The following RICTOR variants were observed in gnomAD, a reference collection of about 807,000 sequenced individuals.
RICTOR encodes the protein RPTOR independent companion of MTOR complex 2, also known as rapamycin-insensitive companion of mTOR.
RICTOR carries 49 observed loss-of-function variants against 214.9 expected under a neutral mutation model. The ratio of observed to expected loss-of-function variants is 0.23; its 90% CI spans 0.18 to 0.29. The LOEUF is 0.29. Among genes scored for constraint, RICTOR ranks in the 10% least tolerant of loss-of-function variants. The pLI is 1.00. For synonymous variants in RICTOR, 717 were observed against 711.3 expected, an observed-to-expected ratio of 1.01 and a Z score of -0.13; for missense variants, 1,625 against 2,047.0, an observed-to-expected ratio of 0.79 and a Z score of 3.98.
At chr5:39,073,154 G>T (rs899513951) in intron 2 of RICTOR, among the ~76,000 whole-genome samples, 5 of 152,146 alleles carry the variant, frequency 3.3e-5, no homozygotes, top group African/African-American at 1.2e-4. Flanking sequence ...TTCCTAAGGT[G>T]TTTTATAGAC....
At chr5:39,073,083 T>C (rs191023995) in intron 2 of RICTOR, among the ~76,000 whole-genome samples, 1 of 152,228 alleles carries the variant, frequency 6.6e-6, no homozygotes, top group Admixed American at 6.5e-5. Flanking sequence ...TTACGTCAGG[T>C]ACGACATAGG....
Position 38,943,588 on chromosome 5 carries a change from A to T in RICTOR, c.4914-617T>A, listed in dbSNP as rs181262904. Among the ~76,000 whole-genome samples, 853 of 152,198 alleles carry T rather than the reference A, an allele frequency of 5.6e-3. 9 individuals carry two copies. The highest frequency in any genetic ancestry group is 0.02 in the African/African-American group (812 of 41,534). ...CAGCACTTTGGGAGGCTGAGACAGGAGATCACCTGAGGTCAGGAGTTTGAG... is the reference window on the plus strand; with the variant it reads ...CAGCACTTTGGGAGGCTGAGACAGGTGATCACCTGAGGTCAGGAGTTTGAG... On this transcript the variant is annotated intron_variant, in intron 36 of 37. Coordinates refer to ENST00000357387, the MANE Select transcript of RICTOR (RefSeq NM_152756.5).
intron 2 of RICTOR, among the ~76,000 whole-genome samples, chr5:39,072,470 C>G (rs955446574): frequency 2.0e-5 from 3 of 152,226 alleles, no homozygotes; most frequent in Admixed American, 2.0e-4. Context: ...AGCACCACAT[C>G]TGAGCAGGTT....
chr5:38,965,577 T>C (rs1460103643), intron 15 of RICTOR, among the ~76,000 whole-genome samples: 1 of 151,980 alleles, frequency 6.6e-6, no homozygotes, highest in East Asian at 1.9e-4. Context: ...TAACTCTGAA[T>C]ATTGGTATTC....
At chr5:39,045,654 T>C (rs1276530335) in intron 2 of RICTOR, among the ~76,000 whole-genome samples, 1 of 152,160 alleles carries the variant, frequency 6.6e-6, no homozygotes, top group Non-Finnish European at 1.5e-5. Flanking sequence ...TATATAGATA[T>C]CCAGTCTATT....
rs551604918 is a variant in RICTOR at position 38,964,666 on chromosome 5, G to A, written c.1400+126C>T. On this transcript the variant is annotated intron_variant, in intron 16 of 37. Transcript: ENST00000357387. ...TTTAGAACTATTAATTTTTCCTTTA[G>A]CAAATTCCTTAAAAGAATTTCCCAC... 9.7e-4 allele frequency: 452 copies of A among 465,848 alleles called. 1 individual carries two copies. Among genetic ancestry groups the A allele is most frequent in the African/African-American group, 6.9e-3 (339 of 49,412 alleles). 28.9% of individuals were successfully genotyped at this position (465,848 alleles called of 1,614,324 possible).
intron 2 of RICTOR, among the ~76,000 whole-genome samples, chr5:39,052,203 T>C (rs1013505702): frequency 3.2e-4 from 48 of 151,814 alleles, no homozygotes; most frequent in African/African-American, 1.2e-3. Context: ...AAGACATCCA[T>C]CTCTACAAAA....
At position 38,939,803 on chromosome 5, in the gene RICTOR, A is replaced by G; in HGVS notation, c.*2501T>C. The G allele has an allele frequency of 4.4e-6, 1 of 225,654 alleles. No individual in the cohort carries two copies. Among genetic ancestry groups the G allele is most frequent in the Non-Finnish European group, 8.8e-6 (1 of 113,170 alleles). The allele number at this position is 225,654 out of a possible 1,614,324, so 14.0% of individuals were successfully genotyped here. On this transcript the variant is annotated 3_prime_UTR_variant, in exon 38 of 38. Coordinates refer to ENST00000357387, the MANE Select transcript of RICTOR (RefSeq NM_152756.5). ...ATAGTCTGTAATATCTATTATTTAT[A>G]GATGATTTTCTCAATTATTTCTATT...
intron 2 of RICTOR, among the ~76,000 whole-genome samples, chr5:39,034,062 G>C (rs894873775): frequency 1.3e-5 from 2 of 151,822 alleles, no homozygotes; most frequent in African/African-American, 4.8e-5. Flanking sequence ...ATAATTAACG[G>C]AAGAAAAAAA....
intron 7 of RICTOR, among the ~76,000 whole-genome samples, chr5:38,983,134 T>C (rs1751862054): frequency 6.6e-6 from 1 of 152,334 alleles, no homozygotes; most frequent in Admixed American, 6.5e-5. Context: ...AGGCAGCCAC[T>C]GTTCTCATTT....
At chr5:38,992,454 AC>A (rs1752859482) in intron 6 of RICTOR, among the ~76,000 whole-genome samples, 1 of 152,132 alleles carries the variant, frequency 6.6e-6, no homozygotes, top group Admixed American at 6.6e-5. Flanking sequence ...GGCTGAAAAA[AC>A]CGGCAAAATG....
chr5:38,955,095 T>C (rs1749144345), intron 26 of RICTOR, among the ~76,000 whole-genome samples: 1 of 151,968 alleles, frequency 6.6e-6, no homozygotes, highest in African/African-American at 2.4e-5. Flanking sequence ...ACACTGTAAG[T>C]GGAAAATTCC....
Position 38,960,428 on chromosome 5 carries a change from C to T in RICTOR, c.1821G>A (p.Gln607=). 1.2e-6 allele frequency: 2 copies of T among 1,613,872 alleles called. No individual in the cohort carries two copies. Among genetic ancestry groups the T allele is most frequent in the Non-Finnish European group, 1.7e-6 (2 of 1,179,804 alleles). ...KAKQLTVVGC[Q]FTEFLLESEE... is the part of the protein sequence containing the mutation. ...CAGATTCAAGAAGAAATTCTGTAAA[C>T]TGGCAACCTACAACCGTGAGCTGTT... The change falls in exon 20 of 38, where the codon CAG becomes CAA. Residue 607 remains glutamine (Q), a synonymous_variant. Transcript: ENST00000357387.
At chr5:39,068,186 T>G (rs1485482493) in intron 2 of RICTOR, among the ~76,000 whole-genome samples, 1 of 152,236 alleles carries the variant, frequency 6.6e-6, no homozygotes, top group Non-Finnish European at 1.5e-5. Flanking sequence ...TAAACTGTGC[T>G]GGAAATGCAA....
chr5:39,026,137 T>C (rs972182401), intron 2 of RICTOR, among the ~76,000 whole-genome samples: 4 of 152,198 alleles, frequency 2.6e-5, no homozygotes, highest in African/African-American at 9.7e-5. Context: ...TAAGATGATA[T>C]TCTCTGAAGC....
At chr5:39,001,965 T>G (rs193091271) in intron 5 of RICTOR, among the ~76,000 whole-genome samples, 40 of 152,210 alleles carry the variant, frequency 2.6e-4, no homozygotes, top group African/African-American at 9.1e-4. Context: ...AACATACATG[T>G]ACCTTATAAC....
chr5:38,989,348 C>A (rs970111369), intron 7 of RICTOR, among the ~76,000 whole-genome samples: 1 of 152,172 alleles, frequency 6.6e-6, no homozygotes, highest in African/African-American at 2.4e-5. Flanking sequence ...TTTCTTACAC[C>A]TTACACAAGA....
chr5:39,059,752 A>G (rs935672382), intron 2 of RICTOR, among the ~76,000 whole-genome samples: 4 of 152,072 alleles, frequency 2.6e-5, no homozygotes, highest in Non-Finnish European at 5.9e-5. Flanking sequence ...TCCAGCTCAC[A>G]TCAATCTCTC....
At chr5:39,044,268 A>G (rs895079007) in intron 2 of RICTOR, among the ~76,000 whole-genome samples, 10 of 152,202 alleles carry the variant, frequency 6.6e-5, no homozygotes, top group Non-Finnish European at 1.3e-4. Flanking sequence ...TATTCAATAA[A>G]TAGTTAAAAA....
Sources: allele counts gnomAD v4.1 joint callset (sites outside exome capture counted in the v4.1 genomes callset), GRCh38; gene constraint gnomAD v4.1.1; transcripts MANE v1.5; gene names NCBI Gene and HGNC (gene_info 2026-07-23, HGNC 2026-07-21).